CCDC146: variants seen among roughly 807,000 people sequenced by gnomAD.
The protein encoded by CCDC146 is coiled-coil domain-containing protein 146.
A neutral mutation model predicts 119.3 loss-of-function variants in CCDC146; 92 were observed. The ratio of observed to expected loss-of-function variants is 0.77; its 90% CI spans 0.65 to 0.92. The LOEUF (loss-of-function observed/expected upper bound fraction) is 0.92, where lower values mean the gene tolerates loss of function less well. Among genes scored for constraint, CCDC146 ranks in the 40% least tolerant of loss-of-function variants. The pLI is 0.00. For missense variants in CCDC146, 1,000 were observed against 1,103.0 expected, an observed-to-expected ratio of 0.91 and a Z score of 1.32; for synonymous variants, 372 against 371.8, an observed-to-expected ratio of 1.00 and a Z score of -0.01.
intron 17 of CCDC146, among the ~76,000 whole-genome samples, chr7:77,289,437 G>A (rs73703314): frequency 0.15 from 23,421 of 151,908 alleles, 3,010 homozygotes; most frequent in African/African-American, 0.35. Flanking sequence ...AGCTTTCACT[G>A]TCCCCACTCC....
At chr7:77,237,719 A>G (rs2150483913) in intron 3 of CCDC146, among the ~76,000 whole-genome samples, 1 of 152,264 alleles carries the variant, frequency 6.6e-6, no homozygotes, top group Non-Finnish European at 1.5e-5. Flanking sequence ...CCCAATCACC[A>G]ACAGGTCAGA....
chr7:77,273,449 G>A (rs1052625943), intron 9 of CCDC146, among the ~76,000 whole-genome samples: 6 of 152,146 alleles, frequency 3.9e-5, no homozygotes, highest in Admixed American at 1.3e-4. Flanking sequence ...ATTGAGATTC[G>A]TGATTTGCTC....
chr7:77,287,006 T>G, intron 16 of CCDC146, 80 bp downstream of exon 16: 10 of 1,455,274 alleles, frequency 6.9e-6, no homozygotes, highest in Non-Finnish European at 7.7e-6. Context: ...CTGTTTCATG[T>G]TATGCTGACA....
intron 1 of CCDC146, among the ~76,000 whole-genome samples, chr7:77,137,820 G>A (rs1180211137): frequency 6.6e-6 from 1 of 151,850 alleles, no homozygotes; most frequent in Non-Finnish European, 1.5e-5. Flanking sequence ...CGAAATTGGA[G>A]GACTGACACT....
At chr7:77,221,677 G>C (rs1792405964) in intron 2 of CCDC146, among the ~76,000 whole-genome samples, 1 of 152,188 alleles carries the variant, frequency 6.6e-6, no homozygotes, top group Admixed American at 6.5e-5. Context: ...CCTGGCTTCA[G>C]CGCACTTCCC....
At chr7:77,150,054 A>T (rs950768557) in intron 1 of CCDC146, among the ~76,000 whole-genome samples, 5 of 152,036 alleles carry the variant, frequency 3.3e-5, no homozygotes, top group Admixed American at 1.3e-4. Flanking sequence ...TTTGGAATAG[A>T]TTAAAGATCT....
chr7:77,167,079 G>A (rs538454529), intron 1 of CCDC146, among the ~76,000 whole-genome samples: 33 of 152,272 alleles, frequency 2.2e-4, no homozygotes, highest in Non-Finnish European at 2.9e-4. Context: ...TGTTTGTCCC[G>A]TTGGCAATTA....
chr7:77,244,455 A>G (rs975295285), intron 4 of CCDC146, among the ~76,000 whole-genome samples: 4 of 152,208 alleles, frequency 2.6e-5, no homozygotes, highest in Non-Finnish European at 5.9e-5. Context: ...ACCTCCGTTC[A>G]TGGTAAGTGC....
chr7:77,288,717 C>T (rs1359154603), intron 17 of CCDC146, among the ~76,000 whole-genome samples: 2 of 152,152 alleles, frequency 1.3e-5, no homozygotes, highest in Non-Finnish European at 2.9e-5. Flanking sequence ...GAGGAAGGGA[C>T]ACATTGTTTA....
intron 1 of CCDC146, among the ~76,000 whole-genome samples, chr7:77,146,104 G>T (rs1038523011): frequency 7.9e-5 from 12 of 152,102 alleles, no homozygotes; most frequent in African/African-American, 2.7e-4. Context: ...GGGTGCTCTT[G>T]TATTGGGTGC....
intron 1 of CCDC146, among the ~76,000 whole-genome samples, chr7:77,147,766 T>C (rs980119211): frequency 2.0e-5 from 3 of 152,238 alleles, no homozygotes; most frequent in Non-Finnish European, 1.5e-5. Flanking sequence ...ATCGTTCCTC[T>C]GGAAGCTTCG....
intron 1 of CCDC146, among the ~76,000 whole-genome samples, chr7:77,130,597 C>CTTT (rs34309739): frequency 3.2e-5 from 4 of 125,748 alleles, no homozygotes; most frequent in South Asian, 2.5e-4. Flanking sequence ...TCCTTTCTTT[C>CTTT]TTTTTTTTTT....
intron 9 of CCDC146, among the ~76,000 whole-genome samples, chr7:77,265,009 T>C (rs1016730192): frequency 5.9e-5 from 9 of 152,224 alleles, no homozygotes; most frequent in Non-Finnish European, 1.3e-4. Context: ...TTTGCAACTC[T>C]TATGCCCTCA....
rs112004345 is a variant in CCDC146 at position 77,151,300 on chromosome 7, A to C, written c.-11-16358A>C. On this transcript the variant is annotated intron_variant, in intron 1 of 18. Coordinates refer to ENST00000285871, the MANE Select transcript of CCDC146 (RefSeq NM_020879.3). Reference sequence around the variant, plus strand: ...TGAATATTGGGGCAGGGGACATAAAAATTCTGTTCACAACAGATTCTCTTT... The same window carrying C: ...TGAATATTGGGGCAGGGGACATAAACATTCTGTTCACAACAGATTCTCTTT... Among the ~76,000 whole-genome samples, 1,150 of 151,352 alleles carry C rather than the reference A, an allele frequency of 7.6e-3. 12 individuals carry two copies. Among genetic ancestry groups the C allele is most frequent in the African/African-American group, 0.027 (1,087 of 40,660 alleles).
At chr7:77,152,206 C>G (rs543867865) in intron 1 of CCDC146, among the ~76,000 whole-genome samples, 6 of 152,258 alleles carry the variant, frequency 3.9e-5, no homozygotes, top group Non-Finnish European at 7.4e-5. Context: ...TCTCTTTGTT[C>G]TCCAAATCAG....
At chr7:77,156,696 C>G (rs973422954) in intron 1 of CCDC146, among the ~76,000 whole-genome samples, 2 of 152,100 alleles carry the variant, frequency 1.3e-5, no homozygotes, top group Non-Finnish European at 2.9e-5. Context: ...GCAGGAATAA[C>G]TGCAATCATT....
At chr7:77,228,691 G>A (rs1368395017) in intron 2 of CCDC146, among the ~76,000 whole-genome samples, 1 of 152,148 alleles carries the variant, frequency 6.6e-6, no homozygotes, top group Non-Finnish European at 1.5e-5. Flanking sequence ...GGGATTGCTG[G>A]ATCAAATGGT....
chr7:77,161,593 C>A (rs1287816055), intron 1 of CCDC146, among the ~76,000 whole-genome samples: 8 of 136,334 alleles, frequency 5.9e-5, no homozygotes, highest in Non-Finnish European at 9.1e-5. Flanking sequence ...ACAATGAGAA[C>A]ACATGGACCC....
intron 17 of CCDC146, 29 bp downstream of exon 17, chr7:77,287,606 C>A: frequency 6.2e-7 from 1 of 1,603,974 alleles, no homozygotes; most frequent in Non-Finnish European, 8.5e-7. Context: ...CTTTTCCCTT[C>A]TGCCCCTGCT....
Sources: gnomAD v4.1 joint callset for allele counts (sites outside exome capture counted in the v4.1 genomes callset) on GRCh38, gnomAD v4.1.1 for gene constraint, MANE v1.5 for transcripts, NCBI Gene and HGNC (gene_info 2026-07-23, HGNC 2026-07-21) for gene names.